The following TMPRSS9 variants were observed in gnomAD, a reference collection of about 807,000 sequenced individuals.
TMPRSS9 encodes transmembrane serine protease 9, also known as transmembrane protease serine 9.
In TMPRSS9, 113 loss-of-function variants were observed where a neutral mutation model predicts 111.4. That is an observed-to-expected ratio of 1.01 (90% CI 0.87 to 1.19). The LOEUF is 1.19. Among genes scored for constraint, TMPRSS9 ranks in the 50% most tolerant of loss-of-function variants. The pLI is 0.00. For synonymous variants in TMPRSS9, 805 were observed against 659.1 expected (o/e 1.22, Z -3.39); for missense variants, 1,803 against 1,513.1 (o/e 1.19, Z -3.18).
chr19:2,382,702 CACAA>C (rs1970400680), intron 1 of TMPRSS9, among the ~76,000 whole-genome samples: 2 of 151,284 alleles, frequency 1.3e-5, no homozygotes, highest in Non-Finnish European at 2.9e-5. Flanking sequence ...CACATGCACA[CACAA>C]AAGCACACAT....
chr19:2,411,393 T>A (rs1971093516), intron 9 of TMPRSS9, among the ~76,000 whole-genome samples: 1 of 130,498 alleles, frequency 7.7e-6, no homozygotes, highest in African/African-American at 3.1e-5. Flanking sequence ...TTCTTTTTCT[T>A]CTTCTTCTTT....
At chr19:2,363,780 C>CTGTG (rs200595061) in intron 1 of TMPRSS9, among the ~76,000 whole-genome samples, 262 of 119,182 alleles carry the variant, frequency 2.2e-3, no homozygotes, top group African/African-American at 7.8e-3. Flanking sequence ...TCCAAGAACT[C>CTGTG]TGTGTGTGAG....
chr19:2,366,668 T>A (rs1176974775), intron 1 of TMPRSS9, among the ~76,000 whole-genome samples: 5 of 151,246 alleles, frequency 3.3e-5, no homozygotes, highest in South Asian at 2.1e-4. Flanking sequence ...CCATCCTGGC[T>A]AACACGATGA....
exon 8 of TMPRSS9, chr19:2,408,578 A>G: frequency 6.2e-7 from 1 of 1,613,248 alleles, no homozygotes; most frequent in Admixed American, 1.7e-5. Flanking sequence ...ACATCTTCCC[A>G]CCCAGCAAGA....
At chr19:2,388,449 C>T (rs1327673498), upstream of TMPRSS9, among the ~76,000 whole-genome samples, 1 of 152,038 alleles carries the variant, frequency 6.6e-6, no homozygotes, top group Non-Finnish European at 1.5e-5. Flanking sequence ...TGCACTGTGG[C>T]TGTGAAGGGA....
chr19:2,416,424 T>G, intron 11 of TMPRSS9, 114 bp from the exon 13 acceptor site: 1 of 1,402,462 alleles, frequency 7.1e-7, no homozygotes. Flanking sequence ...AGGATGGTCC[T>G]GGGGCCCAGG....
At chr19:2,401,542 C>T (rs1429248306) in intron 4 of TMPRSS9, among the ~76,000 whole-genome samples, 2 of 152,088 alleles carry the variant, frequency 1.3e-5, no homozygotes, top group Non-Finnish European at 1.5e-5. Context: ...TAAGTGACGC[C>T]AGGGTGGACA....
rs538674878 is a variant in TMPRSS9 at position 2,417,764 on chromosome 19, C to T, written c.2018-238C>T. ...CCTCAGAATGGCCTCCTACACCTTA[C>T]CCAGGTGCTAGGGCGGCAGCCCCAT... On this transcript the variant is annotated intron_variant, in intron 12 of 17. Coordinates refer to ENST00000648592, the Ensembl canonical transcript of TMPRSS9. Among the ~76,000 whole-genome samples, 6 of 152,312 alleles carry T rather than the reference C, an allele frequency of 3.9e-5. No individual in the cohort carries two copies. The East Asian group carries it at 9.6e-4, about 24-fold the overall frequency.
At chr19:2,414,055 T>G in intron 10 of TMPRSS9, 37 bp downstream of exon 11, 1 of 1,488,002 alleles carries the variant, frequency 6.7e-7, no homozygotes, top group Non-Finnish European at 9.0e-7. Context: ...ATGATGTACG[T>G]GCCTATCTTG....
rs1378769523 is a variant in TMPRSS9 at position 2,410,510 on chromosome 19, C to A, written c.1254+116C>A. ...CGCTGTGAGCCCCCAACGCCCCAGA[C>A]CCCAGAAAAACACAGACACGAGCGT... On this transcript the variant is annotated intron_variant, in intron 9 of 17. Transcript: ENST00000648592. The A allele has an allele frequency of 2.9e-6, 4 of 1,394,428 alleles. No individual in the cohort carries two copies. In the Admixed American group the frequency reaches 9.2e-5, roughly 32 times the overall value. The allele number at this position is 1,394,428 out of a possible 1,614,324, so 86.4% of individuals were successfully genotyped here. A position where few individuals can be genotyped will look rare whatever the true frequency, so the allele number is the denominator to read the frequency against.
At chr19:2,402,978 T>A in intron 5 of TMPRSS9, 104 bp from the exon 7 acceptor site, 2 of 788,120 alleles carry the variant, frequency 2.5e-6, no homozygotes, top group South Asian at 1.5e-5. Context: ...AGAGAGAGAG[T>A]TTCCACATTT....
At chr19:2,382,437 A>AT (rs1362558022) in intron 1 of TMPRSS9, among the ~76,000 whole-genome samples, 1 of 152,184 alleles carries the variant, frequency 6.6e-6, no homozygotes, top group Admixed American at 6.6e-5. Flanking sequence ...CGGTCAAAAC[A>AT]TTTTTTTAGT....
At chr19:2,397,549 A>G (rs1970736554) in intron 2 of TMPRSS9, among the ~76,000 whole-genome samples, 1 of 152,142 alleles carries the variant, frequency 6.6e-6, no homozygotes, top group Non-Finnish European at 1.5e-5. Flanking sequence ...ATTATATTTT[A>G]ATGAAAAAAT....
chr19:2,396,154 G>C (rs1970702444), intron 1 of TMPRSS9: 1 of 172,290 alleles, frequency 5.8e-6, no homozygotes, highest in Non-Finnish European at 1.2e-5. Context: ...TGCCATTCCA[G>C]AGGTTACGCC....
chr19:2,406,014 CTT>C (rs749624348), intron 7 of TMPRSS9, among the ~76,000 whole-genome samples: 15 of 95,496 alleles, frequency 1.6e-4, no homozygotes, highest in East Asian at 1.1e-3. Flanking sequence ...TTCTTTCTTT[CTT>C]TTTTTTTTTT....
chr19:2,380,444 A>T (rs779442460), intron 1 of TMPRSS9, among the ~76,000 whole-genome samples: 2 of 151,828 alleles, frequency 1.3e-5, no homozygotes, highest in African/African-American at 2.4e-5. Flanking sequence ...AAAAATAAAA[A>T]AAAAAAATTA....
chr19:2,364,784 G>A (rs1252418992), intron 1 of TMPRSS9, among the ~76,000 whole-genome samples: 2 of 151,838 alleles, frequency 1.3e-5, no homozygotes, highest in African/African-American at 2.4e-5. Context: ...AGGAGATCGA[G>A]ACCATCCTGG....
intron 6 of TMPRSS9, among the ~76,000 whole-genome samples, chr19:2,404,862 G>A (rs1407005752): frequency 6.7e-6 from 1 of 150,120 alleles, no homozygotes; most frequent in Admixed American, 6.7e-5. Context: ...AACCCGGGAG[G>A]CAGAGCTTGC....
At chr19:2,392,601 G>A (rs950087270) in intron 1 of TMPRSS9, among the ~76,000 whole-genome samples, 28 of 152,162 alleles carry the variant, frequency 1.8e-4, no homozygotes, top group African/African-American at 6.3e-4. Flanking sequence ...TGAGTCGAGT[G>A]GGGACTTGAA....
Sources: gnomAD v4.1 joint callset for allele counts (sites outside exome capture counted in the v4.1 genomes callset) on GRCh38, gnomAD v4.1.1 for gene constraint, MANE v1.5 for transcripts, NCBI Gene and HGNC (gene_info 2026-07-23, HGNC 2026-07-21) for gene names.